The following LRIF1 variants were observed in gnomAD, a reference collection of about 807,000 sequenced individuals.
The protein encoded by LRIF1 is ligand dependent nuclear receptor interacting factor 1.
LRIF1 carries 32 observed loss-of-function variants against 52.7 expected under a neutral mutation model. The ratio of observed to expected loss-of-function variants is 0.61; its 90% CI spans 0.46 to 0.82. LRIF1 has a LOEUF of 0.82. Ranked by LOEUF, LRIF1 falls within the 40% of genes least tolerant of loss-of-function variation. LRIF1 has a pLI of 0.00. For missense variants in LRIF1, 887 were observed against 892.0 expected (o/e 0.99, Z 0.07); for synonymous variants, 323 against 317.4 (o/e 1.02, Z -0.19).
At chr1:110,899,362 C>T in the LRIF1 span, 1 of 553,138 alleles carries the variant, frequency 1.8e-6, no homozygotes, top group Non-Finnish European at 3.2e-6. Flanking sequence ...CCAGGCACAT[C>T]CCATCTCAGG....
the LRIF1 span, among the ~76,000 whole-genome samples, chr1:110,906,124 A>G: frequency 6.6e-6 from 1 of 152,180 alleles, no homozygotes. Context: ...GAAGACCACA[A>G]AACAACTAGA....
At chr1:110,879,880 T>C in the LRIF1 span, among the ~76,000 whole-genome samples, 2 of 152,210 alleles carry the variant, frequency 1.3e-5, no homozygotes, top group Admixed American at 6.5e-5. Flanking sequence ...ATCGAGGTTC[T>C]TGAAGCCTCT....
At chr1:110,945,519 G>A (rs554168618), downstream of LRIF1, among the ~76,000 whole-genome samples, 9 of 144,896 alleles carry the variant, frequency 6.2e-5, no homozygotes, top group African/African-American at 1.8e-4. Context: ...TCCACCTCCC[G>A]GGTTCAAGCA....
downstream of LRIF1, among the ~76,000 whole-genome samples, chr1:110,945,973 G>C (rs1658195817): frequency 6.6e-6 from 1 of 152,136 alleles, no homozygotes; most frequent in Non-Finnish European, 1.5e-5. Flanking sequence ...GTTATTGTAT[G>C]ACCCAGCAAT....
the LRIF1 span, among the ~76,000 whole-genome samples, chr1:110,886,396 G>C: frequency 1.3e-5 from 2 of 151,632 alleles, no homozygotes; most frequent in African/African-American, 2.4e-5. Context: ...GGTTCCATAG[G>C]GATATTATTT....
chr1:110,899,439 T>C, the LRIF1 span: 24 of 400,942 alleles, frequency 6.0e-5, no homozygotes, highest in Admixed American at 1.7e-4. Context: ...AACTAATATC[T>C]GAGCATCTTT....
At chr1:110,914,336 C>T in the LRIF1 span, among the ~76,000 whole-genome samples, 1 of 152,098 alleles carries the variant, frequency 6.6e-6, no homozygotes, top group Non-Finnish European at 1.5e-5. Flanking sequence ...AAAGGGACAA[C>T]TCCTACAAAT....
At chr1:110,921,298 T>C in the LRIF1 span, among the ~76,000 whole-genome samples, 7 of 151,780 alleles carry the variant, frequency 4.6e-5, no homozygotes, top group Non-Finnish European at 8.8e-5. Flanking sequence ...ACTTCTAAAC[T>C]AATAGAAAAA....
At chr1:110,915,332 A>G in the LRIF1 span, among the ~76,000 whole-genome samples, 1 of 150,410 alleles carries the variant, frequency 6.6e-6, no homozygotes, top group Non-Finnish European at 1.5e-5. Context: ...AAATATAGAA[A>G]AAAACATTAG....
the LRIF1 span, among the ~76,000 whole-genome samples, chr1:110,898,574 A>C: frequency 6.6e-6 from 1 of 152,090 alleles, no homozygotes; most frequent in East Asian, 1.9e-4. Flanking sequence ...GGGGCTGATG[A>C]CGAAAATTGT....
intron 1 of LRIF1, among the ~76,000 whole-genome samples, chr1:110,961,227 T>C (rs1233534007): frequency 6.6e-6 from 1 of 152,220 alleles, no homozygotes; most frequent in Non-Finnish European, 1.5e-5. Context: ...TCCTCCACCA[T>C]GACTGTAAGG....
the LRIF1 span, among the ~76,000 whole-genome samples, chr1:110,928,464 T>G: frequency 6.6e-6 from 1 of 152,228 alleles, no homozygotes; most frequent in Non-Finnish European, 1.5e-5. Flanking sequence ...CTTCTGCATT[T>G]ATGTTCAGTG....
chr1:110,950,405 C>T (rs750298518), intron 2 of LRIF1, among the ~76,000 whole-genome samples: 5 of 152,118 alleles, frequency 3.3e-5, no homozygotes, highest in Non-Finnish European at 5.9e-5. Flanking sequence ...CTAATGACAA[C>T]GTTAAAATAA....
chr1:110,899,253 T>C, the LRIF1 span: 65 of 1,243,868 alleles, frequency 5.2e-5, 1 homozygote, highest in Admixed American at 6.8e-5. Context: ...CAAAACCATT[T>C]ATAGCATGAA....
Position 110,949,944 on chromosome 1 carries a change from G to T in LRIF1, c.1776C>A (p.Thr592=), listed in dbSNP as rs1191832879. ...VCLTRIPDHL[T]SGEGFDSFSS... ...TAAAGGAATCGAAACCTTCTCCAGA[G>T]GTCAAATGGTCAGGAATTCGAGTAA... Residue 592 remains threonine (T), a synonymous_variant, in exon 3 of 4, where the codon ACC becomes ACA. Transcript: ENST00000369763. 5.0e-6 allele frequency: 8 copies of T among 1,613,990 alleles called. No individual in the cohort carries two copies. In the Admixed American group the frequency reaches 1.2e-4, roughly 24 times the overall value.
the LRIF1 span, chr1:110,938,754 G>T: frequency 6.6e-6 from 1 of 152,140 alleles, no homozygotes; most frequent in African/African-American, 2.4e-5. Context: ...AGATTGGACA[G>T]GAAGAGGTCA....
the LRIF1 span, among the ~76,000 whole-genome samples, chr1:110,918,950 A>T: frequency 6.6e-6 from 1 of 152,192 alleles, no homozygotes; most frequent in South Asian, 2.1e-4. Context: ...AAAACTGGAC[A>T]TAAGAAGTGG....
At chr1:110,901,476 C>A in the LRIF1 span, among the ~76,000 whole-genome samples, 3 of 63,556 alleles carry the variant, frequency 4.7e-5, no homozygotes, top group East Asian at 7.2e-4. Context: ...TCGCACCCGG[C>A]CTTTTTTTTT....
the LRIF1 span, among the ~76,000 whole-genome samples, chr1:110,889,842 A>G: frequency 1.3e-5 from 2 of 152,158 alleles, no homozygotes; most frequent in Admixed American, 6.5e-5. Flanking sequence ...TTTACTTCTG[A>G]TATATATTCA....
Sources: gnomAD v4.1 joint callset for allele counts (sites outside exome capture counted in the v4.1 genomes callset) on GRCh38, gnomAD v4.1.1 for gene constraint, MANE v1.5 for transcripts, NCBI Gene and HGNC (gene_info 2026-07-23, HGNC 2026-07-21) for gene names.